Variants in FYN observed in about 807,000 individuals in gnomAD.
FYN encodes FYN proto-oncogene, Src family tyrosine kinase, also known as tyrosine-protein kinase Fyn.
Under a neutral mutation model 70.2 loss-of-function variants are expected in FYN, and 10 were observed. The ratio of observed to expected loss-of-function variants is 0.14; its 90% CI spans 0.09 to 0.24. The LOEUF is 0.24. Among genes scored for constraint, FYN ranks in the 10% least tolerant of loss-of-function variants. FYN has a pLI of 1.00. For synonymous variants in FYN, 236 were observed against 248.6 expected, an observed-to-expected ratio of 0.95 and a Z score of 0.48; for missense variants, 319 against 673.1, an observed-to-expected ratio of 0.47 and a Z score of 5.82.
chr6:111,807,812 T>C (rs1772197122), intron 2 of FYN, among the ~76,000 whole-genome samples: 1 of 152,124 alleles, frequency 6.6e-6, no homozygotes. Flanking sequence ...CACCCTGCTA[T>C]TAAAGGTGAG....
intron 3 of FYN, among the ~76,000 whole-genome samples, chr6:111,780,271 G>T (rs1377752974): frequency 3.3e-5 from 5 of 152,080 alleles, no homozygotes; most frequent in Non-Finnish European, 2.9e-5. Context: ...TATATTATAT[G>T]GCTGGCTTAG....
intron 2 of FYN, among the ~76,000 whole-genome samples, chr6:111,836,805 G>C (rs1041772799): frequency 1.3e-5 from 2 of 152,026 alleles, no homozygotes; most frequent in African/African-American, 4.8e-5. Flanking sequence ...TTTCTGAACG[G>C]ACACATTTTG....
At chr6:111,713,292 G>A (rs1024022661) in intron 5 of FYN, among the ~76,000 whole-genome samples, 2 of 152,168 alleles carry the variant, frequency 1.3e-5, no homozygotes, top group African/African-American at 4.8e-5. Flanking sequence ...TTCCTGGGAT[G>A]TGCAGTGTGA....
At chr6:111,771,073 C>T (rs1803433971) in intron 3 of FYN, among the ~76,000 whole-genome samples, 1 of 152,128 alleles carries the variant, frequency 6.6e-6, no homozygotes, top group African/African-American at 2.4e-5. Context: ...CTGCACCATT[C>T]CCGGTCACTC....
intron 3 of FYN, among the ~76,000 whole-genome samples, chr6:111,721,341 G>A (rs945206419): frequency 4.6e-5 from 7 of 152,152 alleles, no homozygotes; most frequent in African/African-American, 7.2e-5. Context: ...CAGCTACATT[G>A]CCAGTGCCTG....
intron 13 of FYN, among the ~76,000 whole-genome samples, chr6:111,667,100 ACT>A (rs1355694537): frequency 6.6e-6 from 1 of 151,180 alleles, no homozygotes; most frequent in East Asian, 1.9e-4. Flanking sequence ...TCACTTTCAA[ACT>A]CTGACTCTGT....
intron 3 of FYN, among the ~76,000 whole-genome samples, chr6:111,738,890 C>G (rs185970746): frequency 1.1e-4 from 16 of 152,022 alleles, no homozygotes; most frequent in Non-Finnish European, 2.4e-4. Context: ...CTTGGTGGGG[C>G]GGGGAGGGGC....
intron 1 of FYN, among the ~76,000 whole-genome samples, chr6:111,847,363 C>T (rs1471623088): frequency 6.6e-6 from 1 of 152,206 alleles, no homozygotes; most frequent in Non-Finnish European, 1.5e-5. Context: ...GCTGTGCCTA[C>T]AACTGGCCAA....
At chr6:111,777,137 C>A (rs1405997047) in intron 3 of FYN, among the ~76,000 whole-genome samples, 1 of 152,178 alleles carries the variant, frequency 6.6e-6, no homozygotes, top group African/African-American at 2.4e-5. Context: ...ATGCTGGGAT[C>A]ATGTTGTGTG....
intron 1 of FYN, among the ~76,000 whole-genome samples, 160 bp from the exon 2 acceptor site, chr6:111,846,789 G>T (rs1435268568): frequency 2.0e-5 from 3 of 152,162 alleles, no homozygotes; most frequent in Admixed American, 6.5e-5. Context: ...CTAAGTCACA[G>T]TTGCCACAAA....
In FYN at chr6:111,832,860, T is replaced by C. The variant is rs549229632; in HGVS notation, c.-82+13729A>G. Among the ~76,000 whole-genome samples the C allele has an allele frequency of 1.6e-4, 25 of 152,310 alleles. No individual in the cohort carries two copies. In the Middle Eastern group the frequency reaches 0.01, roughly 62 times the overall value. On this transcript the variant is annotated intron_variant, in intron 2 of 13. Coordinates refer to ENST00000354650, the MANE Select transcript of FYN (RefSeq NM_002037.5). ...TGAAAATGCCACCATCACTAATCTT[T>C]CTGGCCTGGGATCAAGTAAATCTGA...
At chr6:111,856,538 T>G (rs145179926) in intron 1 of FYN, among the ~76,000 whole-genome samples, 103 of 152,290 alleles carry the variant, frequency 6.8e-4, no homozygotes, top group Non-Finnish European at 1.1e-3. Context: ...TTTTTTAAAT[T>G]TAATCTATAT....
chr6:111,839,889 G>A (rs12111104), intron 2 of FYN, among the ~76,000 whole-genome samples: 23,052 of 152,016 alleles, frequency 0.15, 3,059 homozygotes, highest in African/African-American at 0.36. Context: ...CTCCAGACTC[G>A]GGTGACCCTA....
chr6:111,723,422 G>C (rs1281453761), intron 3 of FYN, among the ~76,000 whole-genome samples: 1 of 152,132 alleles, frequency 6.6e-6, no homozygotes, highest in African/African-American at 2.4e-5. Flanking sequence ...CTCTTTTATA[G>C]AAGAGACAGC....
intron 2 of FYN, among the ~76,000 whole-genome samples, chr6:111,791,875 G>A (rs1447402124): frequency 2.0e-5 from 3 of 152,168 alleles, no homozygotes; most frequent in Non-Finnish European, 4.4e-5. Context: ...CGTATACCAT[G>A]CAAAAATTAA....
At chr6:111,829,833 G>T (rs911201192) in intron 2 of FYN, among the ~76,000 whole-genome samples, 1 of 152,138 alleles carries the variant, frequency 6.6e-6, no homozygotes, top group Non-Finnish European at 1.5e-5. Flanking sequence ...GATGCTTAAG[G>T]GCCTACCCTG....
intron 2 of FYN, among the ~76,000 whole-genome samples, chr6:111,829,672 G>A (rs957563422): frequency 6.6e-6 from 1 of 152,246 alleles, no homozygotes; most frequent in Non-Finnish European, 1.5e-5. Flanking sequence ...TCTGACCTTA[G>A]ACAAGTTATT....
Position 111,719,865 on chromosome 6 carries a change from C to T in FYN, c.187G>A (p.Val63Ile), listed in dbSNP as rs62620251. 433 of 1,614,102 alleles carry T rather than the reference C, an allele frequency of 2.7e-4. 4 individuals carry two copies. In the Middle Eastern group the frequency reaches 5.6e-3, roughly 21 times the overall value. ...GACGAAGAGTTCACACCTCCAAAGA[C>T]GGTGAGTCCTTGGCCCCCGGCTGCG... ...FHAAGGQGLTVFGGVNSSSHT... is the reference protein window; with the variant it reads ...FHAAGGQGLTIFGGVNSSSHT... Residue 63 changes from valine to isoleucine, a missense_variant, in exon 4 of 14, where the codon GTC (valine) becomes ATC (isoleucine). This residue lies in a region of FYN where 128 missense variants were observed against 183.9 expected (regional missense o/e 0.70). Coordinates refer to ENST00000354650, the MANE Select transcript of FYN (RefSeq NM_002037.5).
intron 3 of FYN, among the ~76,000 whole-genome samples, chr6:111,726,053 T>C (rs1041531795): frequency 2.6e-5 from 4 of 152,168 alleles, no homozygotes; most frequent in Non-Finnish European, 4.4e-5. Flanking sequence ...GCCAGACACA[T>C]GGGTGGTCAG....
Sources: gnomAD v4.1 joint callset for allele counts (sites outside exome capture counted in the v4.1 genomes callset) on GRCh38, gnomAD v4.1.1 for gene constraint, gnomAD v4.1.1 regional missense constraint, MANE v1.5 for transcripts, NCBI Gene and HGNC (gene_info 2026-07-23, HGNC 2026-07-21) for gene names.